Variants in SEMA6D observed in about 807,000 individuals in gnomAD.
SEMA6D encodes the protein semaphorin-6D.
In SEMA6D, 35 loss-of-function variants were observed where a neutral mutation model predicts 106.6. The observed-to-expected ratio is 0.33, with a 90% CI of 0.25 to 0.44. The LOEUF (loss-of-function observed/expected upper bound fraction) is 0.44, where lower values mean the gene tolerates loss of function less well. Ranked by LOEUF, SEMA6D falls within the 20% of genes least tolerant of loss-of-function variation. The pLI is 1.00. For synonymous variants in SEMA6D, 499 were observed against 487.7 expected, an observed-to-expected ratio of 1.02 and a Z score of -0.31; for missense variants, 1,185 against 1,345.9, an observed-to-expected ratio of 0.88 and a Z score of 1.87.
chr15:47,660,404 A>G (rs2077893710), intron 4 of SEMA6D, among the ~76,000 whole-genome samples: 1 of 152,176 alleles, frequency 6.6e-6, no homozygotes, highest in Non-Finnish European at 1.5e-5. Flanking sequence ...GCAGATCTAT[A>G]TATAACTATA....
intron 3 of SEMA6D, among the ~76,000 whole-genome samples, chr15:47,588,091 C>A (rs1183652341): frequency 1.3e-5 from 2 of 152,134 alleles, no homozygotes; most frequent in African/African-American, 4.8e-5. Context: ...CAGAAAGGGC[C>A]TTTTCTCACT....
chr15:47,348,721 C>CAAAGAGAGAGAGAGAG (rs1313096616), intron 1 of SEMA6D, among the ~76,000 whole-genome samples: 1 of 24,634 alleles, frequency 4.1e-5, no homozygotes, highest in African/African-American at 9.8e-5. Context: ...ACACACACCA[C>CAAAGAGAGAGAGAGAG]ACACACAGAG....
chr15:47,298,260 C>T (rs985836759), intron 1 of SEMA6D, among the ~76,000 whole-genome samples: 2 of 152,066 alleles, frequency 1.3e-5, no homozygotes, highest in Non-Finnish European at 2.9e-5. Context: ...GTGGAGCTCC[C>T]AGGTGTGGTT....
intron 1 of SEMA6D, among the ~76,000 whole-genome samples, chr15:47,264,083 C>A (rs998053415): frequency 6.6e-6 from 1 of 151,854 alleles, no homozygotes; most frequent in Admixed American, 6.6e-5. Context: ...TCCTTAACAA[C>A]CTAACACAGA....
chr15:47,615,564 G>A (rs894745396), intron 4 of SEMA6D, among the ~76,000 whole-genome samples: 2 of 152,074 alleles, frequency 1.3e-5, no homozygotes, highest in African/African-American at 2.4e-5. Flanking sequence ...GGAAGTTTTA[G>A]GGTTTTGTTT....
intron 4 of SEMA6D, among the ~76,000 whole-genome samples, chr15:47,696,985 C>G (rs1339337258): frequency 6.6e-6 from 1 of 152,170 alleles, no homozygotes; most frequent in Admixed American, 6.5e-5. Flanking sequence ...TCATCATCAT[C>G]TTTTAAGTCC....
At chr15:47,500,683 G>A (rs2043818924) in intron 3 of SEMA6D, among the ~76,000 whole-genome samples, 1 of 152,146 alleles carries the variant, frequency 6.6e-6, no homozygotes, top group African/African-American at 2.4e-5. Context: ...CCAGGTAGTT[G>A]TAGATCCATA....
chr15:47,760,186 TAA>T (rs2081984659), intron 2 of SEMA6D, 116 bp from the exon 3 acceptor site: 1 of 714,304 alleles, frequency 1.4e-6, no homozygotes, highest in Non-Finnish European at 2.4e-6. Context: ...TTCAAGACCT[TAA>T]GAGAGGAATT....
At chr15:47,489,215 G>A (rs760235576) in intron 3 of SEMA6D, among the ~76,000 whole-genome samples, 1 of 152,206 alleles carries the variant, frequency 6.6e-6, no homozygotes, top group East Asian at 1.9e-4. Flanking sequence ...ACTTGGAGCC[G>A]CCAGAAGCTG....
chr15:47,219,894 C>T (rs745340148), intron 1 of SEMA6D, among the ~76,000 whole-genome samples: 16 of 152,138 alleles, frequency 1.1e-4, no homozygotes, highest in Non-Finnish European at 2.4e-4. Flanking sequence ...GCAGCTTTAG[C>T]GATCTTAGTT....
At chr15:47,651,910 A>G (rs1034481442) in intron 4 of SEMA6D, among the ~76,000 whole-genome samples, 5 of 152,166 alleles carry the variant, frequency 3.3e-5, no homozygotes, top group Admixed American at 6.5e-5. Context: ...TACAACAACC[A>G]CATCTTTCCC....
intron 1 of SEMA6D, among the ~76,000 whole-genome samples, chr15:47,282,008 T>G (rs1480723220): frequency 1.3e-5 from 2 of 152,130 alleles, no homozygotes; most frequent in Non-Finnish European, 2.9e-5. Flanking sequence ...CCTTCCTCCA[T>G]TACAATACTA....
At chr15:47,499,863 G>C (rs370822493) in intron 3 of SEMA6D, among the ~76,000 whole-genome samples, 1 of 152,024 alleles carries the variant, frequency 6.6e-6, no homozygotes, top group African/African-American at 2.4e-5. Context: ...GTCTCAGTGG[G>C]TCAAGCTTTT....
At chr15:47,576,049 A>G (rs2076151696) in intron 3 of SEMA6D, among the ~76,000 whole-genome samples, 1 of 152,242 alleles carries the variant, frequency 6.6e-6, no homozygotes, top group African/African-American at 2.4e-5. Context: ...AACGACTCAC[A>G]ATGATATTCC....
At chr15:47,306,411 C>T (rs1012669135) in intron 1 of SEMA6D, among the ~76,000 whole-genome samples, 1 of 152,048 alleles carries the variant, frequency 6.6e-6, no homozygotes, top group Non-Finnish European at 1.5e-5. Context: ...ATAGAAAATA[C>T]AGTTAAAAGC....
intron 2 of SEMA6D, among the ~76,000 whole-genome samples, chr15:47,419,456 G>T (rs2041081986): frequency 6.6e-6 from 1 of 152,062 alleles, no homozygotes; most frequent in Non-Finnish European, 1.5e-5. Flanking sequence ...AATGGAGGGA[G>T]AATGAACTGG....
At chr15:47,564,405 T>C (rs1284839047) in intron 3 of SEMA6D, among the ~76,000 whole-genome samples, 1 of 152,194 alleles carries the variant, frequency 6.6e-6, no homozygotes, top group Non-Finnish European at 1.5e-5. Context: ...GAATACAGGA[T>C]ATTAATGTAG....
At chr15:47,690,496 A>G (rs2053159511) in intron 4 of SEMA6D, among the ~76,000 whole-genome samples, 1 of 152,220 alleles carries the variant, frequency 6.6e-6, no homozygotes, top group Non-Finnish European at 1.5e-5. Context: ...GAGGGGTCCA[A>G]AAATTGTCTG....
intron 2 of SEMA6D, among the ~76,000 whole-genome samples, chr15:47,443,381 A>G (rs150050317): frequency 6.6e-5 from 10 of 152,244 alleles, no homozygotes; most frequent in Non-Finnish European, 1.2e-4. Context: ...TACTATTTAA[A>G]TAGTCTGACT....
Sources: allele counts gnomAD v4.1 joint callset (sites outside exome capture counted in the v4.1 genomes callset), GRCh38; gene constraint gnomAD v4.1.1; transcripts MANE v1.5; gene names NCBI Gene and HGNC (gene_info 2026-07-23, HGNC 2026-07-21).